Variants in SLC10A7 observed in about 807,000 individuals in gnomAD.
The protein encoded by SLC10A7 is solute carrier family 10 member 7.
A neutral mutation model predicts 43.2 loss-of-function variants in SLC10A7; 29 were observed. That is an observed-to-expected ratio of 0.67 (90% confidence interval 0.50 to 0.92). The LOEUF (loss-of-function observed/expected upper bound fraction) is 0.92. Ranked by LOEUF, SLC10A7 falls within the 40% of genes least tolerant of loss-of-function variation. SLC10A7 has a pLI of 0.00. For missense variants in SLC10A7, 295 were observed against 403.2 expected (o/e 0.73, Z 2.30); for synonymous variants, 152 against 144.8 (o/e 1.05, Z -0.35).
At position 146,254,217 on chromosome 4, in the gene SLC10A7, T is replaced by TA. The variant is rs1727786676; in HGVS notation, c.*2273dup. The TA allele has an allele frequency of 6.6e-6, 1 of 152,054 alleles. No homozygotes were observed. The highest frequency in any genetic ancestry group is 1.5e-5 in the Non-Finnish European group (1 of 68,002). 9.4% of individuals were successfully genotyped at this position (152,054 alleles called of 1,614,324 possible). On this transcript the variant is annotated 3_prime_UTR_variant, in exon 12 of 12. Coordinates refer to ENST00000335472, the MANE Select transcript of SLC10A7 (RefSeq NM_001029998.6). ...TGAAAATACCAACATTATTACCCAT[T>TA]AAAAAATCTAATTTTGTAACAACCA... is the stretch of plus-strand genomic sequence containing the variant.
chr4:146,288,226 G>A (rs72727998), intron 9 of SLC10A7, among the ~76,000 whole-genome samples: 6,814 of 152,272 alleles, frequency 0.045, 188 homozygotes, highest in Middle Eastern at 0.085. Flanking sequence ...TTGTACTCTA[G>A]CTATGTAGGA....
At chr4:146,375,124 T>G (rs959417308) in intron 5 of SLC10A7, among the ~76,000 whole-genome samples, 2 of 152,164 alleles carry the variant, frequency 1.3e-5, no homozygotes, top group African/African-American at 4.8e-5. Flanking sequence ...GAGAGTCACT[T>G]GAACCTGGGA....
At chr4:146,288,134 G>T (rs1327413136) in intron 9 of SLC10A7, among the ~76,000 whole-genome samples, 2 of 152,192 alleles carry the variant, frequency 1.3e-5, no homozygotes, top group Non-Finnish European at 2.9e-5. Flanking sequence ...AAGTCCATGA[G>T]TGGGAAGGAG....
chr4:146,430,190 G>A (rs1172543919), intron 5 of SLC10A7, among the ~76,000 whole-genome samples: 1 of 151,992 alleles, frequency 6.6e-6, no homozygotes. Context: ...AGTTAACATG[G>A]GAATGAAAGA....
chr4:146,256,680 C>A (rs1727904917), intron 11 of SLC10A7, 160 bp from the exon 12 acceptor site: 9 of 981,776 alleles, frequency 9.2e-6, no homozygotes, highest in African/African-American at 1.7e-5. Context: ...AAACAGATTT[C>A]CCTGCCCACC....
chr4:146,309,532 A>C (rs958947899), intron 6 of SLC10A7, among the ~76,000 whole-genome samples: 3 of 152,094 alleles, frequency 2.0e-5, no homozygotes, highest in Non-Finnish European at 2.9e-5. Flanking sequence ...GCTGCTGCTG[A>C]CTTGGGGGTT....
At chr4:146,449,686 C>A (rs7693418) in intron 4 of SLC10A7, among the ~76,000 whole-genome samples, 120,449 of 150,430 alleles carry the variant, frequency 0.8, 48,745 homozygotes, top group South Asian at 0.89. Context: ...CCACCACCAC[C>A]ACAACAACAA....
At position 146,314,685 on chromosome 4, in the gene SLC10A7, T is replaced by G. The variant is rs79186987; in HGVS notation, c.472-8676A>C. 4.7e-3 allele frequency among the ~76,000 whole-genome samples: 709 copies of G among 152,276 alleles called. 3 individuals are homozygous for G. The highest frequency in any genetic ancestry group is 0.014 in the Middle Eastern group (4 of 294). On this transcript the variant is annotated intron_variant, in intron 6 of 11. Transcript: ENST00000335472. ...GTCATCTATGAACTCTGAGGATGAC[T>G]TTCAGCAGTGGTCAAAGCTTGCACT... is the stretch of plus-strand genomic sequence containing the variant.
intron 3 of SLC10A7, among the ~76,000 whole-genome samples, chr4:146,505,840 C>T (rs1736849518): frequency 6.6e-6 from 1 of 152,184 alleles, no homozygotes; most frequent in Non-Finnish European, 1.5e-5. Flanking sequence ...ATTCTAAACA[C>T]TTTACATACT....
At chr4:146,418,158 C>T (rs909044453) in intron 5 of SLC10A7, among the ~76,000 whole-genome samples, 2 of 152,174 alleles carry the variant, frequency 1.3e-5, no homozygotes, top group Non-Finnish European at 2.9e-5. Flanking sequence ...TTGCGCTCTT[C>T]TTCCTAAGCT....
chr4:146,442,529 C>A, intron 5 of SLC10A7: 1 of 1,314,640 alleles, frequency 7.6e-7, no homozygotes, highest in Non-Finnish European at 9.7e-7. Flanking sequence ...TAAGGAGACA[C>A]ATAGTGTTTT....
intron 4 of SLC10A7, among the ~76,000 whole-genome samples, chr4:146,500,891 T>G (rs1487903197): frequency 6.6e-6 from 1 of 152,238 alleles, no homozygotes; most frequent in Non-Finnish European, 1.5e-5. Context: ...CATAATTTAG[T>G]GGCTAATCTT....
intron 5 of SLC10A7, among the ~76,000 whole-genome samples, chr4:146,335,250 G>GAAAAAAAAA (rs772547279): frequency 0.01 from 713 of 70,454 alleles, 34 homozygotes; most frequent in South Asian, 0.026. Context: ...CACAGATGTT[G>GAAAAAAAAA]TAAAAAAAAA....
intron 5 of SLC10A7, among the ~76,000 whole-genome samples, chr4:146,420,231 A>T (rs966213685): frequency 5.9e-5 from 9 of 152,236 alleles, no homozygotes; most frequent in Non-Finnish European, 1.2e-4. Flanking sequence ...TCACTAATAC[A>T]TATCAAATGA....
chr4:146,452,400 T>C (rs1480282148), intron 4 of SLC10A7, among the ~76,000 whole-genome samples: 1 of 152,058 alleles, frequency 6.6e-6, no homozygotes, highest in Non-Finnish European at 1.5e-5. Flanking sequence ...TAAAAACACA[T>C]GAAGACTAAA....
At chr4:146,387,622 A>T (rs1272442555) in intron 5 of SLC10A7, among the ~76,000 whole-genome samples, 3 of 152,180 alleles carry the variant, frequency 2.0e-5, no homozygotes, top group Non-Finnish European at 4.4e-5. Flanking sequence ...TATAAATTGG[A>T]AAAAAGGAAG....
At chr4:146,491,857 T>TGG (rs1304260914) in intron 4 of SLC10A7, among the ~76,000 whole-genome samples, 2 of 152,188 alleles carry the variant, frequency 1.3e-5, no homozygotes, top group Non-Finnish European at 2.9e-5. Context: ...CAGGTGTTCT[T>TGG]GGCCATGAAT....
chr4:146,474,335 C>T (rs1733855675), intron 4 of SLC10A7, among the ~76,000 whole-genome samples: 1 of 152,090 alleles, frequency 6.6e-6, no homozygotes, highest in South Asian at 2.1e-4. Flanking sequence ...ATTCCAGGGA[C>T]TCTTTATTCT....
rs539933708 is a variant in SLC10A7, at chr4:146,453,345, G to A, written c.397-10524C>T. 1.5e-4 allele frequency among the ~76,000 whole-genome samples: 23 copies of A among 151,944 alleles called. No individual in the cohort carries two copies. The South Asian group carries it at 1.7e-3, about 11-fold the overall frequency. ...AGAGTGTTTTAATGAGAACAGAGCCGGCCGACAGTGATAAATGGGAATGAC... is the reference window on the plus strand; with the variant it reads ...AGAGTGTTTTAATGAGAACAGAGCCAGCCGACAGTGATAAATGGGAATGAC... On this transcript the variant is annotated intron_variant, in intron 4 of 11. Coordinates refer to ENST00000335472, the MANE Select transcript of SLC10A7 (RefSeq NM_001029998.6).
Sources: gnomAD v4.1 joint callset for allele counts (sites outside exome capture counted in the v4.1 genomes callset) on GRCh38, gnomAD v4.1.1 for gene constraint, MANE v1.5 for transcripts, NCBI Gene and HGNC (gene_info 2026-07-23, HGNC 2026-07-21) for gene names.